PRUNE2: variants seen among roughly 807,000 people sequenced by gnomAD.
PRUNE2 encodes prune homolog 2 with BCH domain, also known as protein prune homolog 2.
In PRUNE2, 164 loss-of-function variants were observed where a neutral mutation model predicts 252.0. The observed-to-expected ratio is 0.65, with a 90% confidence interval of 0.57 to 0.74. PRUNE2 has a LOEUF of 0.74. Ranked by LOEUF, PRUNE2 falls within the 30% of genes least tolerant of loss-of-function variation. The pLI, the probability that PRUNE2 is intolerant of heterozygous loss-of-function variation, is 0.00. For synonymous variants in PRUNE2, 1,292 were observed against 1,350.2 expected (o/e 0.96, Z 0.94); for missense variants, 3,495 against 3,711.0 (o/e 0.94, Z 1.51).
chr9:76,822,974 C>T (rs145034503), intron 6 of PRUNE2, among the ~76,000 whole-genome samples: 2 of 152,306 alleles, frequency 1.3e-5, no homozygotes, highest in East Asian at 3.9e-4. Context: ...ACACAGACTT[C>T]TACAAATGCA....
chr9:76,871,786 G>A (rs938419350), intron 1 of PRUNE2, among the ~76,000 whole-genome samples: 7 of 151,886 alleles, frequency 4.6e-5, no homozygotes, highest in African/African-American at 1.5e-4. Flanking sequence ...ATGCCACCCC[G>A]CCTGGCCAAT....
At chr9:76,890,495 G>A (rs1168565228) in intron 1 of PRUNE2, among the ~76,000 whole-genome samples, 1 of 152,120 alleles carries the variant, frequency 6.6e-6, no homozygotes, top group African/African-American at 2.4e-5. Context: ...AAAGGAGTTG[G>A]ACAACTAAAA....
chr9:76,770,467 C>T (rs2052972419), intron 6 of PRUNE2, among the ~76,000 whole-genome samples: 2 of 151,874 alleles, frequency 1.3e-5, no homozygotes, highest in Admixed American at 1.3e-4. Context: ...ATATATGATT[C>T]AAAAATTGAA....
intron 15 of PRUNE2, among the ~76,000 whole-genome samples, chr9:76,631,014 C>T (rs1405144748): frequency 1.3e-5 from 2 of 152,180 alleles, no homozygotes; most frequent in Non-Finnish European, 2.9e-5. Context: ...TGAGGTGTGT[C>T]TTCTATCCAT....
At chr9:76,794,598 A>G (rs1471232772) in intron 6 of PRUNE2, among the ~76,000 whole-genome samples, 1 of 148,450 alleles carries the variant, frequency 6.7e-6, no homozygotes, top group East Asian at 2.0e-4. Flanking sequence ...CTGGCGACAA[A>G]GAGAGACTCT....
At chr9:76,679,347 A>G (rs1245881832) in intron 9 of PRUNE2, among the ~76,000 whole-genome samples, 1 of 152,240 alleles carries the variant, frequency 6.6e-6, no homozygotes, top group African/African-American at 2.4e-5. Flanking sequence ...AAAAAATAGG[A>G]AAATCTATTC....
intron 11 of PRUNE2, 108 bp from the exon 12 acceptor site, chr9:76,645,017 T>C (rs900846977): frequency 2.4e-5 from 25 of 1,020,698 alleles, no homozygotes; most frequent in African/African-American, 2.3e-4. Flanking sequence ...GGGCAGCCTT[T>C]GTTTTGTTTC....
At chr9:76,865,414 T>G (rs1245437301) in intron 1 of PRUNE2, among the ~76,000 whole-genome samples, 16 of 152,190 alleles carry the variant, frequency 1.1e-4, no homozygotes, top group Admixed American at 1.0e-3. Flanking sequence ...CAGAAATAAA[T>G]GTATGCATTA....
chr9:76,857,199 C>T (rs921435029), intron 1 of PRUNE2: 2 of 452,682 alleles, frequency 4.4e-6, no homozygotes, highest in Non-Finnish European at 8.9e-6. Flanking sequence ...CAGGCTTCAG[C>T]ACTCTCTTTC....
intron 2 of PRUNE2, among the ~76,000 whole-genome samples, chr9:76,852,079 T>C (rs1323799048): frequency 1.3e-5 from 2 of 152,226 alleles, no homozygotes; most frequent in African/African-American, 4.8e-5. Flanking sequence ...TTGATGGTTT[T>C]GTTCAGTTAT....
At position 76,636,581 on chromosome 9, in the gene PRUNE2, T is replaced by C. The variant is rs114172940; in HGVS notation, c.8964-24A>G. 1.8e-3 allele frequency: 2,117 copies of C among 1,207,038 alleles called. 20 individuals carry two copies. The African/African-American group carries it at 0.028, about 16-fold the overall frequency. 74.8% of individuals were successfully genotyped at this position (1,207,038 alleles called of 1,614,324 possible). On this transcript the variant is annotated intron_variant, in intron 14 of 18. Coordinates refer to ENST00000376718, the MANE Select transcript of PRUNE2 (RefSeq NM_015225.3). ...ACCTATTTTGAAAAAAGAAAAAAAA[T>C]ACATTACTCTTAACCCATTTTCAGT...
At chr9:76,643,140 T>C (rs1843259910) in intron 12 of PRUNE2, among the ~76,000 whole-genome samples, 1 of 151,942 alleles carries the variant, frequency 6.6e-6, no homozygotes. Context: ...ATAATCATTC[T>C]CTCCTGATTC....
At chr9:76,644,990 C>T (rs1844206327) in intron 11 of PRUNE2, 81 bp from the exon 12 acceptor site, 2 of 1,236,752 alleles carry the variant, frequency 1.6e-6, no homozygotes, top group East Asian at 4.9e-5. Context: ...GTAAGCTTTA[C>T]AATACAGTAC....
intron 9 of PRUNE2, among the ~76,000 whole-genome samples, chr9:76,700,644 A>G (rs982492447): frequency 5.9e-5 from 9 of 152,184 alleles, no homozygotes; most frequent in African/African-American, 2.2e-4. Context: ...TGGTATAAAG[A>G]CAAATCCACT....
At position 76,629,292 on chromosome 9, in the gene PRUNE2, T is replaced by TAAA; in HGVS notation, c.9051-5_9051-3dup. The TAAA allele has an allele frequency of 2.8e-5, 33 of 1,160,942 alleles. No individual in the cohort carries two copies. Among genetic ancestry groups the TAAA allele is most frequent in the African/African-American group, 3.4e-5 (2 of 58,044 alleles). The allele number at this position is 1,160,942 out of a possible 1,614,324, so 71.9% of individuals were successfully genotyped here. ...TTAATTTTACTGCTGAATTTTGAAC[T>TAAA]AAAAAAAAAAAAAAGAAAAAAATAT... On this transcript the variant is annotated splice_region_variant and splice_polypyrimidine_tract_variant and intron_variant, in intron 15 of 18. Coordinates refer to ENST00000376718, the MANE Select transcript of PRUNE2 (RefSeq NM_015225.3).
At chr9:76,905,540 CTCT>C (rs1446881171) in intron 1 of PRUNE2, among the ~76,000 whole-genome samples, 21 of 152,208 alleles carry the variant, frequency 1.4e-4, no homozygotes, top group Admixed American at 1.4e-3. Context: ...TTCTAAGGGT[CTCT>C]TTTTTTCCTT....
chr9:76,619,106 G>T (rs2131945484), intron 18 of PRUNE2, among the ~76,000 whole-genome samples: 1 of 152,266 alleles, frequency 6.6e-6, no homozygotes, highest in Middle Eastern at 3.4e-3. Flanking sequence ...TTTTTGGATT[G>T]GAAAAATAGA....
At chr9:76,761,555 A>G (rs2051733752) in intron 6 of PRUNE2, among the ~76,000 whole-genome samples, 1 of 152,196 alleles carries the variant, frequency 6.6e-6, no homozygotes, top group South Asian at 2.1e-4. Flanking sequence ...TCTGGACATC[A>G]AAGCCCGGGG....
At chr9:76,867,147 G>C (rs914623620) in intron 1 of PRUNE2, among the ~76,000 whole-genome samples, 2 of 152,082 alleles carry the variant, frequency 1.3e-5, no homozygotes, top group East Asian at 3.9e-4. Flanking sequence ...GCCATCCCAC[G>C]CACCTTTCTC....
Sources: allele counts gnomAD v4.1 joint callset (sites outside exome capture counted in the v4.1 genomes callset), GRCh38; gene constraint gnomAD v4.1.1; transcripts MANE v1.5; gene names NCBI Gene and HGNC (gene_info 2026-07-23, HGNC 2026-07-21).